The following APBB2 variants were observed in gnomAD, a reference collection of about 807,000 sequenced individuals.
APBB2 encodes Fe65-like 1.
A neutral mutation model predicts 82.5 loss-of-function variants in APBB2; 38 were observed. The observed-to-expected ratio is 0.46, with a 90% CI of 0.36 to 0.60. The LOEUF (loss-of-function observed/expected upper bound fraction) is 0.60. Among genes scored for constraint, APBB2 ranks in the 20% least tolerant of loss-of-function variants. APBB2 has a pLI of 0.00. For missense variants in APBB2, 772 were observed against 972.3 expected (o/e 0.79, Z 2.74); for synonymous variants, 341 against 368.2 (o/e 0.93, Z 0.85).
chr4:40,868,304 A>T (rs563650210), intron 12 of APBB2, among the ~76,000 whole-genome samples: 1 of 152,364 alleles, frequency 6.6e-6, no homozygotes, highest in Non-Finnish European at 1.5e-5. Flanking sequence ...AAAGACCCAC[A>T]GTGGATTCTG....
At position 40,844,631 on chromosome 4, in the gene APBB2, G is replaced by A. The variant is rs549546827; in HGVS notation, c.1530-14054C>T. ...TGGCTCAGGTCCCTCTGTGCTACTCGGTTCCACCTATCAAAGCCAGGCTTG... is the reference window on the plus strand; with the variant it reads ...TGGCTCAGGTCCCTCTGTGCTACTCAGTTCCACCTATCAAAGCCAGGCTTG... On this transcript the variant is annotated intron_variant, in intron 12 of 17. Coordinates refer to ENST00000508593, the MANE Select transcript of APBB2 (RefSeq NM_004307.2). 1.4e-3 allele frequency among the ~76,000 whole-genome samples: 206 copies of A among 152,232 alleles called. 1 individual carries two copies. The highest frequency in any genetic ancestry group is 4.6e-3 in the African/African-American group (191 of 41,542).
chr4:40,954,618 A>G (rs1791092531), intron 6 of APBB2, among the ~76,000 whole-genome samples: 1 of 152,182 alleles, frequency 6.6e-6, no homozygotes, highest in Non-Finnish European at 1.5e-5. Context: ...TATTTCTAAC[A>G]GTCCCCACTT....
chr4:40,854,703 C>T (rs1003181109), intron 12 of APBB2, among the ~76,000 whole-genome samples: 2 of 148,766 alleles, frequency 1.3e-5, no homozygotes, highest in Middle Eastern at 3.4e-3. Flanking sequence ...GCAGGAGAAT[C>T]GCTTGAATCT....
At chr4:41,116,465 T>C (rs1380646973) in intron 2 of APBB2, among the ~76,000 whole-genome samples, 1 of 151,896 alleles carries the variant, frequency 6.6e-6, no homozygotes, top group Non-Finnish European at 1.5e-5. Flanking sequence ...AAAGTATAAC[T>C]TAAAAAAATA....
chr4:41,144,295 C>T (rs1459320966), intron 1 of APBB2, among the ~76,000 whole-genome samples: 1 of 152,030 alleles, frequency 6.6e-6, no homozygotes, highest in Non-Finnish European at 1.5e-5. Context: ...AAAATCATCT[C>T]GAAAGGAACA....
At chr4:40,873,803 T>C (rs1766157547) in intron 12 of APBB2, among the ~76,000 whole-genome samples, 1 of 152,210 alleles carries the variant, frequency 6.6e-6, no homozygotes, top group African/African-American at 2.4e-5. Context: ...TTTAGTTGCT[T>C]AGGGATTTTA....
chr4:41,163,577 A>G (rs1214551692), intron 1 of APBB2, among the ~76,000 whole-genome samples: 2 of 152,216 alleles, frequency 1.3e-5, no homozygotes, highest in Non-Finnish European at 2.9e-5. Context: ...AAGAAAATAT[A>G]TACACCTTTC....
intron 2 of APBB2, among the ~76,000 whole-genome samples, chr4:41,105,548 C>T (rs1296983113): frequency 6.6e-6 from 1 of 152,202 alleles, no homozygotes; most frequent in African/African-American, 2.4e-5. Flanking sequence ...TTGTGTCCCA[C>T]AAGTTGCTGC....
At position 41,061,489 on chromosome 4, in the gene APBB2, G is replaced by T. The variant is rs144317223; in HGVS notation, c.-51+4087C>A. 1.6e-3 allele frequency among the ~76,000 whole-genome samples: 248 copies of T among 152,246 alleles called. 1 individual carries two copies. The highest frequency in any genetic ancestry group is 5.2e-3 in the African/African-American group (216 of 41,548). On this transcript the variant is annotated intron_variant, in intron 4 of 17. Coordinates refer to ENST00000508593, the MANE Select transcript of APBB2 (RefSeq NM_004307.2). ...ACAGCGTGTTACTGTACTGAATACC[G>T]CAGGCAAATGTGATACAATGATAAG...
intron 10 of APBB2, among the ~76,000 whole-genome samples, chr4:40,894,477 C>T (rs1345737239): frequency 6.6e-6 from 1 of 152,152 alleles, no homozygotes. Context: ...ATGTTAGGCA[C>T]TTGTTTCTAA....
At chr4:41,140,456 T>G (rs1195431248) in intron 2 of APBB2, among the ~76,000 whole-genome samples, 1 of 152,206 alleles carries the variant, frequency 6.6e-6, no homozygotes, top group Admixed American at 6.5e-5. Context: ...ATAATCGCCC[T>G]CCCTGCTAGT....
At chr4:41,161,334 T>C (rs990739723) in intron 1 of APBB2, among the ~76,000 whole-genome samples, 1 of 152,088 alleles carries the variant, frequency 6.6e-6, no homozygotes, top group Admixed American at 6.6e-5. Context: ...CAGCCGGGCA[T>C]GGTGGCTCAC....
At chr4:40,892,286 G>C (rs566033587) in intron 11 of APBB2, 1 of 152,260 alleles carries the variant, frequency 6.6e-6, no homozygotes, top group Non-Finnish European at 1.5e-5. Context: ...AATGCGGTGA[G>C]AGAGGACGGT....
chr4:40,973,663 A>C (rs1002162959), intron 6 of APBB2, among the ~76,000 whole-genome samples: 1 of 152,178 alleles, frequency 6.6e-6, no homozygotes, highest in Non-Finnish European at 1.5e-5. Context: ...AGGTGTTGGC[A>C]GGGCCATGCT....
chr4:41,076,769 A>G (rs1302059748), intron 3 of APBB2, among the ~76,000 whole-genome samples: 1 of 152,340 alleles, frequency 6.6e-6, no homozygotes, highest in Non-Finnish European at 1.5e-5. Flanking sequence ...AACAGGGTCA[A>G]TGCAGGGAGA....
intron 1 of APBB2, among the ~76,000 whole-genome samples, chr4:41,172,511 T>C (rs551710661): frequency 6.6e-6 from 1 of 152,318 alleles, no homozygotes; most frequent in South Asian, 2.1e-4. Context: ...CCATTTCAAA[T>C]GATGATTTGT....
intron 6 of APBB2, among the ~76,000 whole-genome samples, chr4:40,971,725 AAC>A (rs2154398508): frequency 6.6e-6 from 1 of 152,348 alleles, no homozygotes; most frequent in East Asian, 1.9e-4. Flanking sequence ...AGAGAAAGAA[AAC>A]CTATCATATA....
intron 12 of APBB2, among the ~76,000 whole-genome samples, chr4:40,831,584 A>G (rs1751922634): frequency 6.6e-6 from 1 of 152,208 alleles, no homozygotes; most frequent in Non-Finnish European, 1.5e-5. Context: ...ATAATGACAC[A>G]GACAGTGGCG....
intron 5 of APBB2, among the ~76,000 whole-genome samples, chr4:41,030,458 A>C (rs1202174150): frequency 6.6e-6 from 1 of 152,108 alleles, no homozygotes; most frequent in East Asian, 1.9e-4. Context: ...ATTCACAGGC[A>C]CAGTCATCAT....
Sources: allele counts gnomAD v4.1 joint callset (sites outside exome capture counted in the v4.1 genomes callset), GRCh38; gene constraint gnomAD v4.1.1; transcripts MANE v1.5; gene names NCBI Gene and HGNC (gene_info 2026-07-23, HGNC 2026-07-21).